Variants in SUV39H1 observed in about 807,000 individuals in gnomAD.
The protein encoded by SUV39H1 is histone-lysine N-methyltransferase SUV39H1.
For missense variants in SUV39H1, 180 were observed against 386.3 expected, an observed-to-expected ratio of 0.47 and a Z score of 4.48; for synonymous variants, 141 against 150.5, an observed-to-expected ratio of 0.94 and a Z score of 0.46.
In SUV39H1 at chrX:48,700,603, C is replaced by T; in HGVS notation, c.678C>T (p.Cys226=). ...CCATCTACGAGTGCAACTCCCGCTG[C>T]CGCTGCGGCTATGACTGCCCAAATC... ...GLPIYECNSR[C]RCGYDCPNRV... is the part of the protein sequence containing the mutation. The change falls in exon 3 of 6, where the codon TGC becomes TGT. Residue 226 remains cysteine, a synonymous_variant. Coordinates refer to ENST00000376687, the MANE Select transcript of SUV39H1 (RefSeq NM_003173.4). 8.2e-7 allele frequency: 1 copy of T among 1,212,464 alleles called. No homozygotes were observed. Among genetic ancestry groups the T allele is most frequent in the Non-Finnish European group, 1.1e-6 (1 of 895,639 alleles).
chrX:48,699,981 G>A (rs1438520505), intron 2 of SUV39H1, 110 bp from the exon 3 acceptor site: 2 of 613,564 alleles, frequency 3.3e-6, no homozygotes, highest in Non-Finnish European at 5.0e-6. Flanking sequence ...CAGAAAAGGG[G>A]TGGGGTGGGG....
At position 48,696,744 on chromosome X, in the gene SUV39H1, C is replaced by G; in HGVS notation, c.-41C>G. ...CACGCCCGCGCGAGCGCTCTTCTCG[C>G]GAGGCCGGCTAGGCCCGAATGTCGT... On this transcript the variant is annotated 5_prime_UTR_variant, in exon 1 of 6. Coordinates refer to ENST00000376687, the MANE Select transcript of SUV39H1 (RefSeq NM_003173.4). 1 of 1,134,938 alleles carries G rather than the reference C, an allele frequency of 8.8e-7. No individual in the cohort carries two copies. The highest frequency in any genetic ancestry group is 1.2e-6 in the Non-Finnish European group (1 of 857,629). The allele number at this position is 1,134,938 out of a possible 1,213,427, so 93.5% of individuals were successfully genotyped here. A position where few individuals can be genotyped will look rare whatever the true frequency, so the allele number is the denominator to read the frequency against.
chrX:48,696,677 T>C, upstream of SUV39H1: 1 of 1,043,615 alleles, frequency 9.6e-7, no homozygotes, highest in Non-Finnish European at 1.3e-6. Flanking sequence ...GCGCGGGTGC[T>C]GCGAGTCGGG....
At chrX:48,700,875 G>A in intron 3 of SUV39H1, 122 bp downstream of exon 3, 1 of 876,024 alleles carries the variant, frequency 1.1e-6, no homozygotes, top group Non-Finnish European at 1.6e-6. Context: ...AGGCCTGGGA[G>A]ACTGATCTGA....
rs782496248 is a variant in SUV39H1, at chrX:48,698,905, G to A, written c.23G>A (p.Cys8Tyr). 1 of 1,209,705 alleles carries A rather than the reference G, an allele frequency of 8.3e-7. No homozygotes were observed. The highest frequency in any genetic ancestry group is 1.8e-5 in the South Asian group (1 of 56,560). Residue 8 changes from cysteine to tyrosine, a missense_variant, in exon 2 of 6, where the codon TGC becomes TAC. Physicochemically the swap from Cys to Tyr is radical, Grantham distance 194. Transcript: ENST00000376687. ...CTTTCTGCCCCGCTTGATCCAGGCT[G>A]CAGCGTGTGTTGCAAGTCTTCTTGG... MAENLKGCSVCCKSSWNQ... is the reference protein window; with the variant it reads MAENLKGYSVCCKSSWNQ...
chrX:48,696,518 G>A (rs782280750), upstream of SUV39H1: 25 of 295,895 alleles, frequency 8.4e-5, no homozygotes, highest in African/African-American at 5.5e-4. Context: ...CAGCGCACGG[G>A]CAGGGCCTCT....
chrX:48,708,151 G>A lies in SUV39H1; in HGVS notation c.*581G>A, dbSNP rs782052859. ...CAGTGCTGGGTAGTGTTGGCCCTAA[G>A]AGCTGTAGGGTCTCTTCTTCAGGGC... On this transcript the variant is annotated 3_prime_UTR_variant, in exon 6 of 6. Coordinates refer to ENST00000376687, the MANE Select transcript of SUV39H1 (RefSeq NM_003173.4). 23 of 154,287 alleles carry A rather than the reference G, an allele frequency of 1.5e-4. No homozygotes were observed. The highest frequency in any genetic ancestry group is 1.5e-3 in the Admixed American group (19 of 13,007). The allele number at this position is 154,287 out of a possible 1,213,427, so 12.7% of individuals were successfully genotyped here.
Position 48,706,524 on chromosome X carries a change from C to T in SUV39H1, c.1002C>T (p.Asn334=), listed in dbSNP as rs782355758. ...GTGACCCCAACCTGCAGGTGTACAA[C>T]GTCTTCATAGACAACCTTGACGAGC... ...HSCDPNLQVY[N]VFIDNLDERL... is the part of the protein sequence containing the mutation. The change falls in exon 5 of 6, where the codon AAC becomes AAT. Residue 334 remains asparagine (N), a synonymous_variant. Coordinates refer to ENST00000376687, the MANE Select transcript of SUV39H1 (RefSeq NM_003173.4). 14 of 1,200,574 alleles carry T rather than the reference C, an allele frequency of 1.2e-5. No homozygotes were observed. Among genetic ancestry groups the T allele is most frequent in the Non-Finnish European group, 1.1e-5 (10 of 889,881 alleles).
upstream of SUV39H1, chrX:48,695,862 C>T: frequency 8.7e-7 from 1 of 1,155,901 alleles, no homozygotes; most frequent in Non-Finnish European, 1.1e-6. Flanking sequence ...ACTGGCTGAC[C>T]CACTGACAGG....
chrX:48,700,074 CT>C lies in SUV39H1; in HGVS notation c.166-16del. On this transcript the variant is annotated splice_polypyrimidine_tract_variant and intron_variant, in intron 2 of 5. Coordinates refer to ENST00000376687, the MANE Select transcript of SUV39H1 (RefSeq NM_003173.4). Reference sequence around the variant, plus strand: ...CACTACTTACGGTACCCCCGTCCCCCTACCCACCCCCAACAGGAACAGGAAT... The same window carrying C: ...CACTACTTACGGTACCCCCGTCCCCCACCCACCCCCAACAGGAACAGGAAT... The C allele has an allele frequency of 1.7e-6, 2 of 1,152,250 alleles. No individual in the cohort carries two copies. Among genetic ancestry groups the C allele is most frequent in the Non-Finnish European group, 2.3e-6 (2 of 858,706 alleles). 95.0% of individuals were successfully genotyped at this position (1,152,250 alleles called of 1,213,427 possible).
At chrX:48,704,318 G>A (rs1452668803) in intron 3 of SUV39H1, among the ~76,000 whole-genome samples, 1 of 111,665 alleles carries the variant, frequency 9.0e-6, no homozygotes, top group Non-Finnish European at 1.9e-5. Flanking sequence ...GGCAGAATAG[G>A]CATGAAGATG....
At chrX:48,696,686 G>C (rs1379503162), upstream of SUV39H1, 5 of 1,071,438 alleles carry the variant, frequency 4.7e-6, no homozygotes, top group East Asian at 1.7e-4. Context: ...CTGCGAGTCG[G>C]GAGCCGCGGC....
At chrX:48,703,484 C>T (rs2062481382) in intron 3 of SUV39H1, among the ~76,000 whole-genome samples, 1 of 111,700 alleles carries the variant, frequency 9.0e-6, no homozygotes, top group South Asian at 3.7e-4. Context: ...TCCTTTGCAG[C>T]CTCCCACATT....
chrX:48,708,885 CTGTG>C lies in SUV39H1; in HGVS notation c.*1319_*1322del, dbSNP rs1557010601. 1.8e-5 allele frequency: 2 copies of C among 111,030 alleles called. No individual in the cohort carries two copies. The highest frequency in any genetic ancestry group is 1.9e-5 in the Non-Finnish European group (1 of 52,855). 9.2% of individuals were successfully genotyped at this position (111,030 alleles called of 1,213,427 possible). On this transcript the variant is annotated 3_prime_UTR_variant, in exon 6 of 6. Transcript: ENST00000376687. ...TCAGATGCCAGATCTATGTGTCTGT[CTGTG>C]TGTCCATCCCGCCGGCCCCCCAGAC...
upstream of SUV39H1, among the ~76,000 whole-genome samples, chrX:48,696,442 T>C (rs2062455293): frequency 8.9e-6 from 1 of 111,829 alleles, no homozygotes; most frequent in Admixed American, 9.4e-5. Flanking sequence ...ACAGGGAGTA[T>C]GACAGGACTG....
At chrX:48,701,903 A>G (rs892536335) in intron 3 of SUV39H1, among the ~76,000 whole-genome samples, 1 of 111,406 alleles carries the variant, frequency 9.0e-6, no homozygotes, top group Non-Finnish European at 1.9e-5. Context: ...GGGGTGTGAT[A>G]TAGTTGGAAA....
At position 48,707,715 on chromosome X, in the gene SUV39H1, G is replaced by A. The variant is rs1231796290; in HGVS notation, c.*145G>A. The A allele has an allele frequency of 3.9e-6, 3 of 774,056 alleles. No homozygotes were observed. Among genetic ancestry groups the A allele is most frequent in the African/African-American group, 4.1e-5 (2 of 48,575 alleles). The allele number at this position is 774,056 out of a possible 1,213,427, so 63.8% of individuals were successfully genotyped here. On this transcript the variant is annotated 3_prime_UTR_variant, in exon 6 of 6. Coordinates refer to ENST00000376687, the MANE Select transcript of SUV39H1 (RefSeq NM_003173.4). ...CTGCTCCTACCTGCTCTACGTTCAG[G>A]GCTGTGGCCGTGGTGAGGACCGACT... is the stretch of plus-strand genomic sequence containing the variant.
chrX:48,706,914 C>T (rs2062492813), intron 5 of SUV39H1, among the ~76,000 whole-genome samples: 1 of 110,321 alleles, frequency 9.1e-6, no homozygotes, highest in Admixed American at 9.6e-5. Flanking sequence ...GACTGAGTTT[C>T]CCTCATCCCC....
intron 1 of SUV39H1, 21 bp downstream of exon 1, chrX:48,696,824 G>A: frequency 2.7e-6 from 3 of 1,111,974 alleles, no homozygotes; most frequent in Non-Finnish European, 3.6e-6. Flanking sequence ...GGAGGCAGAG[G>A]CGCGGGCCCG....
Sources: gnomAD v4.1 joint callset for allele counts (sites outside exome capture counted in the v4.1 genomes callset) on GRCh38, gnomAD v4.1.1 for gene constraint, MANE v1.5 for transcripts, NCBI Gene and HGNC (gene_info 2026-07-23, HGNC 2026-07-21) for gene names.